KSR2: variants seen among roughly 807,000 people sequenced by gnomAD.
The protein encoded by KSR2 is kinase suppressor of ras 2.
A neutral mutation model predicts 107.8 loss-of-function variants in KSR2; 25 were observed. The observed-to-expected ratio is 0.23, with a 90% CI of 0.17 to 0.32. The LOEUF is 0.32. KSR2 is among the 10% of genes least tolerant of loss of function. KSR2 has a pLI of 1.00. For missense variants in KSR2, 887 were observed against 1,268.9 expected (o/e 0.70, Z 4.57); for synonymous variants, 480 against 507.0 (o/e 0.95, Z 0.71).
intron 1 of KSR2, among the ~76,000 whole-genome samples, chr12:117,951,721 G>A (rs1019924824): frequency 1.3e-5 from 2 of 152,166 alleles, no homozygotes; most frequent in South Asian, 4.1e-4. Context: ...CTAGGTTCCA[G>A]ATCTTGAGAC....
At chr12:117,470,218 ATCC>A (rs1344530760) in intron 18 of KSR2, among the ~76,000 whole-genome samples, 89 of 125,938 alleles carry the variant, frequency 7.1e-4, no homozygotes, top group African/African-American at 2.8e-3. Context: ...CCATCCATCC[ATCC>A]ATCCATCCGG....
intron 16 of KSR2, among the ~76,000 whole-genome samples, chr12:117,482,747 G>A (rs1054384853): frequency 2.0e-5 from 3 of 152,198 alleles, no homozygotes; most frequent in Non-Finnish European, 4.4e-5. Flanking sequence ...GAAAATCAGA[G>A]GTCCTGCACC....
At chr12:117,869,098 G>A (rs1430717572) in intron 1 of KSR2, among the ~76,000 whole-genome samples, 1 of 151,838 alleles carries the variant, frequency 6.6e-6, no homozygotes, top group African/African-American at 2.4e-5. Context: ...CAGGCCAGGC[G>A]CGGTGGCTCA....
intron 1 of KSR2, among the ~76,000 whole-genome samples, chr12:117,963,665 C>T (rs1230643957): frequency 6.6e-6 from 1 of 152,154 alleles, no homozygotes; most frequent in African/African-American, 2.4e-5. Flanking sequence ...CCTTTGAAGA[C>T]TTCTATCTCC....
At chr12:117,636,115 TAG>T (rs1490834724) in intron 5 of KSR2, among the ~76,000 whole-genome samples, 11 of 152,280 alleles carry the variant, frequency 7.2e-5, no homozygotes, top group African/African-American at 2.6e-4. Context: ...TTTTAAATGC[TAG>T]ACTTTATTTG....
chr12:117,943,947 CGTGCCTTTCACCTTTTGCCATGATT>C (rs1347144676), intron 1 of KSR2, among the ~76,000 whole-genome samples: 1 of 152,188 alleles, frequency 6.6e-6, no homozygotes, highest in Non-Finnish European at 1.5e-5. Context: ...CATGTTAAGA[CGTGCCTTTCACCTTTTGCCATGATT>C]GTGCCTTTCA....
chr12:117,920,128 T>G (rs904665642), intron 1 of KSR2, among the ~76,000 whole-genome samples: 3 of 152,214 alleles, frequency 2.0e-5, no homozygotes, highest in African/African-American at 4.8e-5. Flanking sequence ...AGACAAGATC[T>G]CACTCTGTCA....
chr12:117,617,025 G>C (rs770778881), intron 5 of KSR2, among the ~76,000 whole-genome samples: 4 of 152,150 alleles, frequency 2.6e-5, no homozygotes, highest in Non-Finnish European at 5.9e-5. Context: ...AGATGTTTGT[G>C]GATGTGGTTT....
intron 7 of KSR2, among the ~76,000 whole-genome samples, chr12:117,571,488 G>A (rs1878891576): frequency 2.0e-5 from 3 of 152,092 alleles, no homozygotes; most frequent in South Asian, 4.1e-4. Flanking sequence ...AAGGGGGAGG[G>A]GCTTAGTCTC....
chr12:117,672,079 C>T (rs542483844), intron 4 of KSR2, among the ~76,000 whole-genome samples: 9 of 152,180 alleles, frequency 5.9e-5, no homozygotes, highest in Admixed American at 5.9e-4. Context: ...CAGCAAGGAG[C>T]CTCCAGTTAT....
At chr12:117,852,412 G>A (rs890583392) in intron 3 of KSR2, among the ~76,000 whole-genome samples, 5 of 152,028 alleles carry the variant, frequency 3.3e-5, no homozygotes, top group African/African-American at 1.2e-4. Flanking sequence ...TGGGTGACAA[G>A]AGTAAGACTC....
chr12:117,506,057 G>A (rs1873659525), intron 14 of KSR2, among the ~76,000 whole-genome samples: 1 of 152,100 alleles, frequency 6.6e-6, no homozygotes, highest in African/African-American at 2.4e-5. Flanking sequence ...ACTACCTCCT[G>A]GCTATGTTTG....
At chr12:117,863,208 C>T (rs1039445061) in intron 1 of KSR2, among the ~76,000 whole-genome samples, 10 of 152,156 alleles carry the variant, frequency 6.6e-5, no homozygotes. Context: ...CAAGGGCAAT[C>T]ATGGATCCAA....
At chr12:117,601,886 G>A (rs1019839782) in intron 5 of KSR2, among the ~76,000 whole-genome samples, 1 of 152,190 alleles carries the variant, frequency 6.6e-6, no homozygotes, top group Non-Finnish European at 1.5e-5. Context: ...TCATCTGGCT[G>A]GGAAGGATCT....
chr12:117,687,868 C>T (rs546168184), intron 4 of KSR2, among the ~76,000 whole-genome samples: 2 of 152,226 alleles, frequency 1.3e-5, no homozygotes, highest in African/African-American at 4.8e-5. Context: ...AATCAGCTGT[C>T]AAGTCATCCC....
intron 1 of KSR2, among the ~76,000 whole-genome samples, chr12:117,864,667 G>A (rs1893415354): frequency 6.6e-6 from 1 of 152,170 alleles, no homozygotes; most frequent in African/African-American, 2.4e-5. Flanking sequence ...ACTGCGGAAG[G>A]CCCTGCTACA....
chr12:117,665,785 GA>G, intron 5 of KSR2, among the ~76,000 whole-genome samples: 1 of 152,310 alleles, frequency 6.6e-6, no homozygotes, highest in East Asian at 1.9e-4. Flanking sequence ...TACAGATGAG[GA>G]AACAGGTTCA....
intron 7 of KSR2, among the ~76,000 whole-genome samples, chr12:117,573,399 ATAT>A (rs879590091): frequency 2.6e-5 from 4 of 151,966 alleles, no homozygotes; most frequent in Non-Finnish European, 4.4e-5. Flanking sequence ...AGTAAGGTGG[ATAT>A]TATTATCCCC....
At chr12:117,823,532 A>G (rs1333582640) in intron 3 of KSR2, among the ~76,000 whole-genome samples, 1 of 152,190 alleles carries the variant, frequency 6.6e-6, no homozygotes, top group African/African-American at 2.4e-5. Flanking sequence ...TACTAAGAAG[A>G]AAAAAACATC....
Sources: gnomAD v4.1 joint callset for allele counts (sites outside exome capture counted in the v4.1 genomes callset) on GRCh38, gnomAD v4.1.1 for gene constraint, MANE v1.5 for transcripts, NCBI Gene and HGNC (gene_info 2026-07-23, HGNC 2026-07-21) for gene names.